The following STIM1 variants were observed in gnomAD, a reference collection of about 807,000 sequenced individuals.
The protein encoded by STIM1 is stromal interaction molecule 1.
STIM1 carries 25 observed loss-of-function variants against 74.7 expected under a neutral mutation model. That is an observed-to-expected ratio of 0.33 (90% CI 0.24 to 0.47). STIM1 has a LOEUF of 0.47. Among genes scored for constraint, STIM1 ranks in the 20% least tolerant of loss-of-function variants. The pLI is 1.00. For missense variants in STIM1, 728 were observed against 920.8 expected, an observed-to-expected ratio of 0.79 and a Z score of 2.71; for synonymous variants, 328 against 348.8, an observed-to-expected ratio of 0.94 and a Z score of 0.66.
At chr11:3,977,687 G>C (rs1236697556) in intron 2 of STIM1, among the ~76,000 whole-genome samples, 1 of 152,118 alleles carries the variant, frequency 6.6e-6, no homozygotes, top group Admixed American at 6.5e-5. Context: ...AAACAAGCCT[G>C]TATTCAAAAC....
At chr11:3,870,103 C>G (rs144508279) in intron 1 of STIM1, among the ~76,000 whole-genome samples, 2 of 152,278 alleles carry the variant, frequency 1.3e-5, no homozygotes, top group East Asian at 3.9e-4. Context: ...ACTTCAGGAA[C>G]CAAATAATTC....
chr11:3,892,130 T>C (rs2091914473), intron 1 of STIM1, among the ~76,000 whole-genome samples: 1 of 152,258 alleles, frequency 6.6e-6, no homozygotes, highest in African/African-American at 2.4e-5. Context: ...TGTATCTCCA[T>C]GGTAGGGCTG....
At chr11:3,924,098 T>G (rs1034802799) in intron 1 of STIM1, among the ~76,000 whole-genome samples, 2 of 151,972 alleles carry the variant, frequency 1.3e-5, no homozygotes, top group South Asian at 4.1e-4. Context: ...TGCCACAGGC[T>G]TGAGCCACCA....
chr11:4,082,095 G>C, intron 7 of STIM1, 89 bp from the exon 8 acceptor site: 1 of 1,338,848 alleles, frequency 7.5e-7, no homozygotes, highest in East Asian at 2.3e-5. Flanking sequence ...TTGTAAAGCA[G>C]ATAAGAAGTC....
chr11:3,975,334 C>G (rs1000322500), intron 2 of STIM1, among the ~76,000 whole-genome samples: 14 of 152,154 alleles, frequency 9.2e-5, no homozygotes, highest in African/African-American at 3.1e-4. Context: ...ATAAGCCAGG[C>G]CAGGTGTGGT....
At chr11:3,967,216 A>C (rs148901310) in intron 1 of STIM1, among the ~76,000 whole-genome samples, 1 of 152,174 alleles carries the variant, frequency 6.6e-6, no homozygotes, top group African/African-American at 2.4e-5. Flanking sequence ...AATGAGGCCA[A>C]ATTTTTTCCT....
At chr11:4,045,168 G>A (rs10767811) in intron 3 of STIM1, among the ~76,000 whole-genome samples, 39,989 of 151,704 alleles carry the variant, frequency 0.26, 6,231 homozygotes, top group South Asian at 0.46. Flanking sequence ...CTGGCCTCAG[G>A]CCTTCTAGCA....
At chr11:4,041,487 A>G (rs562457948) in intron 3 of STIM1, among the ~76,000 whole-genome samples, 178 of 152,284 alleles carry the variant, frequency 1.2e-3, no homozygotes, top group Non-Finnish European at 2.4e-3. Context: ...TCTGATTTTC[A>G]TCATTTTGGT....
intron 12 of STIM1, among the ~76,000 whole-genome samples, chr11:4,089,821 A>T (rs1178554265): frequency 6.6e-6 from 1 of 151,448 alleles, no homozygotes; most frequent in African/African-American, 2.4e-5. Context: ...TCCATTCATG[A>T]CTCTTCCCCT....
intron 9 of STIM1, 21 bp downstream of exon 9, chr11:4,083,003 A>T (rs1281899536): frequency 6.3e-7 from 1 of 1,596,882 alleles, no homozygotes; most frequent in African/African-American, 1.3e-5. Context: ...CCAGTTATCT[A>T]CTCTGGCAAT....
chr11:4,065,150 G>A (rs2094357056), intron 5 of STIM1, among the ~76,000 whole-genome samples: 1 of 152,156 alleles, frequency 6.6e-6, no homozygotes. Flanking sequence ...CTTTCAGCAG[G>A]AATATTGAGA....
intron 7 of STIM1, among the ~76,000 whole-genome samples, chr11:4,080,267 G>C (rs2094458071): frequency 6.6e-6 from 1 of 151,806 alleles, no homozygotes. Flanking sequence ...AAGTAAAAAA[G>C]TTCCCCATGT....
At chr11:4,013,431 T>C (rs1565148393) in intron 2 of STIM1, among the ~76,000 whole-genome samples, 1 of 152,180 alleles carries the variant, frequency 6.6e-6, no homozygotes, top group Non-Finnish European at 1.5e-5. Flanking sequence ...AAGATTCAAC[T>C]TCTTCCTGAT....
chr11:3,866,429 C>CTTTTT (rs375183049), intron 1 of STIM1, among the ~76,000 whole-genome samples: 1 of 136,790 alleles, frequency 7.3e-6, no homozygotes, highest in Non-Finnish European at 1.6e-5. Context: ...CTTGCTATGT[C>CTTTTT]TTTTTTTTTT....
chr11:3,879,907 T>C (rs970771359), intron 1 of STIM1, among the ~76,000 whole-genome samples: 13 of 152,204 alleles, frequency 8.5e-5, no homozygotes, highest in Admixed American at 8.5e-4. Flanking sequence ...GGCATCAGTG[T>C]TCTGGGTTGC....
intron 6 of STIM1, 75 bp downstream of exon 6, chr11:4,070,278 C>T: frequency 1.3e-6 from 2 of 1,556,756 alleles, no homozygotes; most frequent in Non-Finnish European, 1.8e-6. Context: ...TGGGTGTGAG[C>T]CACTTGGCCC....
chr11:4,062,056 A>G (rs934625987), intron 5 of STIM1, among the ~76,000 whole-genome samples: 9 of 152,212 alleles, frequency 5.9e-5, no homozygotes, highest in African/African-American at 2.2e-4. Flanking sequence ...TTGGAACTAG[A>G]TAGAGGTAGT....
intron 1 of STIM1, among the ~76,000 whole-genome samples, chr11:3,945,092 G>A (rs61897169): frequency 1.6e-4 from 25 of 152,174 alleles, no homozygotes; most frequent in Admixed American, 1.0e-3. Flanking sequence ...GCCTGGGTTT[G>A]AATCCTTACT....
chr11:3,965,702 T>A (rs2093333328), intron 1 of STIM1, among the ~76,000 whole-genome samples: 1 of 152,224 alleles, frequency 6.6e-6, no homozygotes, highest in African/African-American at 2.4e-5. Context: ...ATCATACTTT[T>A]TTCTTTTATC....
Sources: allele counts gnomAD v4.1 joint callset (sites outside exome capture counted in the v4.1 genomes callset), GRCh38; gene constraint gnomAD v4.1.1; transcripts MANE v1.5; gene names NCBI Gene and HGNC (gene_info 2026-07-23, HGNC 2026-07-21).